CSMD1: variants seen among roughly 807,000 people sequenced by gnomAD.
CSMD1 encodes the protein CUB and Sushi multiple domains 1.
A neutral mutation model predicts 417.5 loss-of-function variants in CSMD1; 213 were observed. The observed-to-expected ratio is 0.51, with a 90% CI of 0.46 to 0.57. CSMD1 has a LOEUF of 0.57. CSMD1 is among the 20% of genes least tolerant of loss of function. The pLI, the probability that CSMD1 is intolerant of heterozygous loss-of-function variation, is 0.00. For synonymous variants in CSMD1, 2,862 were observed against 1,736.8 expected (o/e 1.65, Z -16.11); for missense variants, 6,923 against 4,529.7 (o/e 1.53, Z -15.17).
At chr8:4,892,984 G>A (rs1804224618) in intron 1 of CSMD1, among the ~76,000 whole-genome samples, 3 of 152,042 alleles carry the variant, frequency 2.0e-5, no homozygotes, top group South Asian at 4.1e-4. Flanking sequence ...CAAGGAATAC[G>A]CTTGCACGGT....
At chr8:4,312,984 G>T (rs10095071) in intron 3 of CSMD1, among the ~76,000 whole-genome samples, 17,298 of 152,140 alleles carry the variant, frequency 0.11, 3,071 homozygotes, top group African/African-American at 0.38. Flanking sequence ...GGTAAGTTTT[G>T]CGGGGAAATG....
intron 1 of CSMD1, among the ~76,000 whole-genome samples, chr8:4,813,952 A>C (rs538673073): frequency 2.0e-4 from 31 of 152,310 alleles, no homozygotes; most frequent in Non-Finnish European, 3.8e-4. Context: ...TTGATTAATT[A>C]TTTAGTAATC....
At chr8:4,530,314 CTTTTTTTTTTT>C (rs759268228) in intron 2 of CSMD1, among the ~76,000 whole-genome samples, 7 of 46,688 alleles carry the variant, frequency 1.5e-4, no homozygotes, top group South Asian at 1.4e-3. Context: ...ACAGGTAGTG[CTTTTTTTTTTT>C]TTTTTTTTTT....
chr8:4,346,215 A>C (rs1288094981), intron 3 of CSMD1, among the ~76,000 whole-genome samples: 7 of 152,180 alleles, frequency 4.6e-5, no homozygotes, highest in African/African-American at 1.7e-4. Flanking sequence ...TCATTTGCTA[A>C]GAATGATTTT....
intron 3 of CSMD1, among the ~76,000 whole-genome samples, chr8:4,299,991 T>C (rs1797893521): frequency 6.6e-6 from 1 of 152,202 alleles, no homozygotes; most frequent in South Asian, 2.1e-4. Flanking sequence ...ATTTCTGTCC[T>C]TTGTAGAAAG....
intron 10 of CSMD1, among the ~76,000 whole-genome samples, chr8:3,557,622 G>A (rs998845284): frequency 5.9e-5 from 9 of 152,114 alleles, no homozygotes; most frequent in Admixed American, 4.6e-4. Flanking sequence ...TCTTTCCTCT[G>A]CTTTGAGGCC....
rs370416980 is a variant in CSMD1, at chr8:3,052,517, G to A, written c.7605C>T (p.Ala2535=). 53 of 1,601,586 alleles carry A rather than the reference G, an allele frequency of 3.3e-5. No homozygotes were observed. In the African/African-American group the frequency reaches 3.3e-4, roughly 10 times the overall value. ...FKLESSQQAT[A]VCQEDGLWSN... is the part of the protein sequence containing the mutation. ...TCCACAACCCATCTTCTTGACACAC[G>A]GCTGTTGCTTGCTGGCTGGATTCAA... The change falls in exon 50 of 70, where the codon GCC becomes GCT. Residue 2535 remains alanine, a synonymous_variant. Coordinates refer to ENST00000635120, the MANE Select transcript of CSMD1 (RefSeq NM_033225.6).
intron 51 of CSMD1, among the ~76,000 whole-genome samples, chr8:3,025,310 G>A (rs1384875057): frequency 4.0e-5 from 6 of 151,816 alleles, no homozygotes; most frequent in Admixed American, 2.0e-4. Context: ...ATTGTCTGGT[G>A]TTATTCTGAA....
intron 1 of CSMD1, among the ~76,000 whole-genome samples, chr8:4,917,610 G>A (rs1410327931): frequency 6.6e-6 from 1 of 151,960 alleles, no homozygotes; most frequent in South Asian, 2.1e-4. Flanking sequence ...CTCCAGCCTG[G>A]GCGACAGAGC....
rs191487319 is a variant in CSMD1, at chr8:3,706,508, G to A, written c.1009+1906C>T. 2.1e-3 allele frequency among the ~76,000 whole-genome samples: 312 copies of A among 152,102 alleles called. 1 individual carries two copies. The highest frequency in any genetic ancestry group is 0.015 in the South Asian group (72 of 4,816). Reference sequence around the variant, plus strand: ...CATGCTTGACAAATACTTTAATACCGTTAAAAGAAAGGACAGAACGCTAAT... The same window carrying A: ...CATGCTTGACAAATACTTTAATACCATTAAAAGAAAGGACAGAACGCTAAT... On this transcript the variant is annotated intron_variant, in intron 7 of 69. Transcript: ENST00000635120.
At chr8:3,800,521 A>G (rs993201704) in intron 5 of CSMD1, among the ~76,000 whole-genome samples, 3 of 152,172 alleles carry the variant, frequency 2.0e-5, no homozygotes, top group Middle Eastern at 6.3e-3. Context: ...CAGAAAAATT[A>G]TCTCAAAGGA....
chr8:3,219,371 C>T lies in CSMD1; in HGVS notation c.4556G>A (p.Gly1519Glu). Residue 1519 changes from glycine (G) to glutamate (E), a missense_variant, in exon 29 of 70, where the codon GGG becomes GAG. Physicochemically the swap from Gly to Glu is moderately conservative, Grantham distance 98. Coordinates refer to ENST00000635120, the MANE Select transcript of CSMD1 (RefSeq NM_033225.6). ...EGEDSNSPLI[G>E]SYQGSQAPER... is the part of the protein sequence containing the mutation. ...TGGGGCCTGAGAGCCCTGGTAACTC[C>T]CAATGAGGGGGCTGTTGGAATCTTC... is the stretch of plus-strand genomic sequence containing the variant. 1.3e-6 allele frequency: 2 copies of T among 1,570,290 alleles called. No homozygotes were observed. The highest frequency in any genetic ancestry group is 1.4e-5 in the African/African-American group (1 of 73,956).
At chr8:3,520,562 T>G (rs1797465554) in intron 10 of CSMD1, among the ~76,000 whole-genome samples, 1 of 152,186 alleles carries the variant, frequency 6.6e-6, no homozygotes, top group Admixed American at 6.5e-5. Flanking sequence ...TTTCTAGAAG[T>G]GCGTACATTT....
chr8:4,518,164 G>T (rs1174861586), intron 2 of CSMD1, among the ~76,000 whole-genome samples: 2 of 152,114 alleles, frequency 1.3e-5, no homozygotes, highest in Admixed American at 1.3e-4. Flanking sequence ...AAGACAAGAA[G>T]ACAGAGTATG....
At chr8:3,893,892 T>A (rs1246415753) in intron 5 of CSMD1, among the ~76,000 whole-genome samples, 4 of 152,118 alleles carry the variant, frequency 2.6e-5, no homozygotes, top group Non-Finnish European at 5.9e-5. Context: ...TTTAAGATGT[T>A]AATGAGACAT....
chr8:3,909,256 A>G (rs986453647), intron 5 of CSMD1, among the ~76,000 whole-genome samples: 5 of 152,138 alleles, frequency 3.3e-5, no homozygotes, highest in East Asian at 3.9e-4. Context: ...TGTAGACCCA[A>G]AAGGTGTCAG....
chr8:3,102,853 T>C (rs1815858787), intron 46 of CSMD1, among the ~76,000 whole-genome samples: 1 of 152,214 alleles, frequency 6.6e-6, no homozygotes, highest in South Asian at 2.1e-4. Context: ...CTCCTGGGCC[T>C]TGAAGCATGA....
chr8:4,977,975 T>G lies in CSMD1; in HGVS notation c.85+16357A>C, dbSNP rs1358693772. ...CTGAGGGTCCTGCACAGGTGCTGTA[T>G]TTACGAGGTTTCCCTGTTGATGTGT... On this transcript the variant is annotated intron_variant, in intron 1 of 69. Coordinates refer to ENST00000635120, the MANE Select transcript of CSMD1 (RefSeq NM_033225.6). Among the ~76,000 whole-genome samples the G allele has an allele frequency of 3.9e-5, 6 of 152,308 alleles. No individual in the cohort carries two copies. The East Asian group carries it at 1.2e-3, about 29-fold the overall frequency.
chr8:3,438,773 T>C (rs1228822824), intron 12 of CSMD1, among the ~76,000 whole-genome samples: 34 of 152,088 alleles, frequency 2.2e-4, no homozygotes, highest in Admixed American at 2.2e-3. Flanking sequence ...AGATAAATGA[T>C]TGGAAGTGCA....
Sources: gnomAD v4.1 joint callset for allele counts (sites outside exome capture counted in the v4.1 genomes callset) on GRCh38, gnomAD v4.1.1 for gene constraint, MANE v1.5 for transcripts, NCBI Gene and HGNC (gene_info 2026-07-23, HGNC 2026-07-21) for gene names.